LTBR: variants seen among roughly 807,000 people sequenced by gnomAD.
LTBR encodes the protein tumor necrosis factor receptor superfamily member 3.
In LTBR, 15 loss-of-function variants were observed where a neutral mutation model predicts 45.4. The ratio of observed to expected loss-of-function variants is 0.33; its 90% confidence interval spans 0.22 to 0.51. The LOEUF (loss-of-function observed/expected upper bound fraction) is 0.51, where lower values mean the gene tolerates loss of function less well. LTBR is among the 20% of genes least tolerant of loss of function. LTBR has a pLI of 0.97. For missense variants in LTBR, 450 were observed against 565.5 expected, an observed-to-expected ratio of 0.80 and a Z score of 2.07; for synonymous variants, 228 against 231.0, an observed-to-expected ratio of 0.99 and a Z score of 0.12.
rs370967192 is a variant in LTBR at position 6,377,535 on chromosome 12, C to T, written c.39+1941C>T. On this transcript the variant is annotated intron_variant, in intron 1 of 9. Transcript: ENST00000539925. ...GCCTCCCTCACTCCCACACAGAGCC[C>T]GTGGATTCGTCTGCTCTCTGGGTGC... The T allele has an allele frequency of 1.1e-5, 8 of 758,920 alleles. No individual in the cohort carries two copies. In the East Asian group the frequency reaches 1.3e-4, roughly 12 times the overall value. 47.0% of individuals were successfully genotyped at this position (758,920 alleles called of 1,614,324 possible).
chr12:6,377,163 G>A, intron 1 of LTBR: 1 of 1,124,282 alleles, frequency 8.9e-7, no homozygotes, highest in Non-Finnish European at 1.3e-6. Flanking sequence ...AACCTGGTCT[G>A]TGGCTTCCTC....
upstream of LTBR, among the ~76,000 whole-genome samples, chr12:6,380,703 AAAGAAGAAG>A (rs559508812): frequency 4.6e-5 from 7 of 151,568 alleles, no homozygotes; most frequent in Non-Finnish European, 7.4e-5. Context: ...AAAAAAAAAA[AAAGAAGAAG>A]AAGAAGAAGA....
rs72645157 is a variant in LTBR at position 6,377,433 on chromosome 12, G to A, written c.39+1839G>A. 3,562 of 686,804 alleles carry A rather than the reference G, an allele frequency of 5.2e-3. 16 individuals carry two copies. The highest frequency in any genetic ancestry group is 7.5e-3 in the Non-Finnish European group (3,040 of 407,004). 42.5% of individuals were successfully genotyped at this position (686,804 alleles called of 1,614,324 possible). A position where few individuals can be genotyped will look rare whatever the true frequency, so the allele number is the denominator to read the frequency against. The stretch of plus-strand genomic sequence containing the variant: ...CCTCCTCTGGGGCTATCTACTTAGC[G>A]CTTTTGCCATTTACTTCCTGAGACA... On this transcript the variant is annotated intron_variant, in intron 1 of 9. Coordinates refer to the LTBR transcript ENST00000539925.
chr12:6,385,134 C>T lies in LTBR; in HGVS notation c.306C>T (p.Arg102=), dbSNP rs778376617. The change falls in exon 3 of 10, where the codon CGC becomes CGT. Residue 102 remains arginine (R), a synonymous_variant. Transcript: ENST00000228918. ...ACCTGACCATCTGCCAGCTGTGCCG[C>T]CCCTGTGACCCAGGTGAGTGGGGAT... is the stretch of plus-strand genomic sequence containing the variant. ...WNYLTICQLC[R]PCDPVMGLEE... The T allele has an allele frequency of 6.2e-6, 10 of 1,614,226 alleles. No individual in the cohort carries two copies. The highest frequency in any genetic ancestry group is 4.4e-5 in the South Asian group (4 of 91,090).
rs1206356926 is a variant in LTBR at position 6,384,572 on chromosome 12, C to T, written c.97-16C>T. 3.1e-6 allele frequency: 5 copies of T among 1,612,686 alleles called. No homozygotes were observed. In the African/African-American group the frequency reaches 5.3e-5, roughly 17 times the overall value. On this transcript the variant is annotated splice_polypyrimidine_tract_variant and intron_variant, in intron 1 of 9. Transcript: ENST00000228918. ...CTGACTAATTCTTCTCTCCTCTTCT[C>T]CATCTCCCTTTGAAGGTGCCTCCAT...
At chr12:6,380,324 C>T (rs945734812), upstream of LTBR, among the ~76,000 whole-genome samples, 4 of 152,162 alleles carry the variant, frequency 2.6e-5, no homozygotes, top group African/African-American at 9.7e-5. Context: ...CAGACCATTT[C>T]CAAGAGCACT....
intron 1 of LTBR, chr12:6,375,656 AG>A: frequency 6.8e-7 from 1 of 1,472,446 alleles, no homozygotes; most frequent in Non-Finnish European, 9.0e-7. Context: ...CGAAGGAAGG[AG>A]GGCTCCCGAG....
intron 1 of LTBR, among the ~76,000 whole-genome samples, chr12:6,376,836 C>T (rs72645152): frequency 6.6e-6 from 1 of 152,204 alleles, no homozygotes; most frequent in Non-Finnish European, 1.5e-5. Context: ...TCCTGCCTCC[C>T]TCCACAAGCC....
chr12:6,375,636 G>A lies in LTBR; in HGVS notation c.39+42G>A, dbSNP rs72645139. On this transcript the variant is annotated intron_variant, in intron 1 of 9. Coordinates refer to the LTBR transcript ENST00000539925. ...GAGGGGCTGAGGAGGAGTCAGAGCC[G>A]GGAGTTTTCCGAAGGAAGGAGGGCT... 3,852 of 1,489,374 alleles carry A rather than the reference G, an allele frequency of 2.6e-3. 6 individuals carry two copies. Among genetic ancestry groups the A allele is most frequent in the Admixed American group, 5.7e-3 (256 of 45,262 alleles). 92.3% of individuals were successfully genotyped at this position (1,489,374 alleles called of 1,614,324 possible).
exon 1 of LTBR, chr12:6,375,513 T>C: frequency 6.5e-7 from 1 of 1,534,916 alleles, no homozygotes. Context: ...ACCTGACAGG[T>C]GCAGCGGCCT....
At position 6,386,562 on chromosome 12, in the gene LTBR, A is replaced by G. The variant is rs560998530; in HGVS notation, c.667+118A>G. On this transcript the variant is annotated intron_variant, in intron 6 of 9. Transcript: ENST00000228918. This position sits in a 1 kb window ranked among gnomAD's most constrained non-coding sequence, Gnocchi z 4.1. ...TTCCCTCCCAGAATTGGGCAAGAAGAAAGTTCCTTACAGAAAAAATTGGAG... is the reference window on the plus strand; with the variant it reads ...TTCCCTCCCAGAATTGGGCAAGAAGGAAGTTCCTTACAGAAAAAATTGGAG... 73 of 764,690 alleles carry G rather than the reference A, an allele frequency of 9.5e-5. No individual in the cohort carries two copies. In the African/African-American group the frequency reaches 1.1e-3, roughly 12 times the overall value. The allele number at this position is 764,690 out of a possible 1,614,324, so 47.4% of individuals were successfully genotyped here. A position where few individuals can be genotyped will look rare whatever the true frequency, so the allele number is the denominator to read the frequency against.
Position 6,388,945 on chromosome 12 carries a change from AT to A in LTBR, c.801+123del. 1 of 1,282,434 alleles carries A rather than the reference AT, an allele frequency of 7.8e-7. No homozygotes were observed. Among genetic ancestry groups the A allele is most frequent in the Non-Finnish European group, 1.1e-6 (1 of 891,550 alleles). The allele number at this position is 1,282,434 out of a possible 1,614,324, so 79.4% of individuals were successfully genotyped here. A position where few individuals can be genotyped will look rare whatever the true frequency, so the allele number is the denominator to read the frequency against. On this transcript the variant is annotated intron_variant, in intron 8 of 9. Transcript: ENST00000228918. The surrounding 1 kb of genome is among the most constrained non-coding windows in gnomAD (Gnocchi z 4.3). ...CACTCATTCATTCATTCAACTGATG[AT>A]TTACTGAACATGCCACGTACCAGGC...
intron 4 of LTBR, chr12:6,385,720 C>T (rs2041941683): frequency 5.5e-6 from 2 of 366,382 alleles, no homozygotes; most frequent in South Asian, 6.5e-5. Context: ...TCCTGGCTAA[C>T]ACAGTGAAAC....
At chr12:6,385,976 C>T (rs1291942929) in intron 4 of LTBR, 90 bp from the exon 5 acceptor site, 8 of 821,102 alleles carry the variant, frequency 9.7e-6, no homozygotes, top group Non-Finnish European at 1.7e-5. Flanking sequence ...GGTGGATGGG[C>T]ATCCTGAGGC....
chr12:6,376,074 C>G (rs2136917718), intron 1 of LTBR: 1 of 990,504 alleles, frequency 1.0e-6, no homozygotes, highest in African/African-American at 1.7e-5. Context: ...GAGCTAGAGG[C>G]TCAGCAAGTG....
At chr12:6,375,263 C>G, upstream of LTBR, 1 of 1,438,314 alleles carries the variant, frequency 7.0e-7, no homozygotes, top group Non-Finnish European at 9.1e-7. Context: ...TCTGGCCTGC[C>G]TCCTCTCTCT....
rs763801721 is a variant in LTBR at position 6,386,140 on chromosome 12, G to A, written c.547G>A (p.Ala183Thr). Reference protein sequence around the residue: ...GHFQNTSSPSARCQPHTRCEN... With the variant: ...GHFQNTSSPSTRCQPHTRCEN... ...CTTCCAGAATACCTCCTCCCCCAGC[G>A]CCCGCTGCCAGCCCCACACCAGGTG... Residue 183 changes from alanine to threonine, a missense_variant, in exon 5 of 10, where the codon GCC (alanine) becomes ACC (threonine). Ala to Thr is a moderately conservative substitution (Grantham distance 58, BLOSUM62 0). Transcript: ENST00000228918. The surrounding 1 kb of genome is among the most constrained non-coding windows in gnomAD (Gnocchi z 4.1). The A allele has an allele frequency of 2.4e-5, 38 of 1,613,462 alleles. No individual in the cohort carries two copies. Among genetic ancestry groups the A allele is most frequent in the Non-Finnish European group, 2.9e-5 (34 of 1,179,658 alleles).
chr12:6,388,883 T>C lies in LTBR; in HGVS notation c.801+58T>C. On this transcript the variant is annotated intron_variant, in intron 8 of 9. Transcript: ENST00000228918. The surrounding 1 kb of genome is among the most constrained non-coding windows in gnomAD (Gnocchi z 4.3). ...GGGAAGAGGTGATGAGGGTACAAGG[T>C]GGAGCAGACAGGAAGAGAGTATGCA... The C allele has an allele frequency of 6.2e-7, 1 of 1,602,318 alleles. No homozygotes were observed.
chr12:6,388,425 T>C lies in LTBR; in HGVS notation c.695T>C (p.Leu232Pro). The C allele has an allele frequency of 6.2e-7, 1 of 1,614,022 alleles. No individual in the cohort carries two copies. The highest frequency in any genetic ancestry group is 8.5e-7 in the Non-Finnish European group (1 of 1,180,018). ...ACCATGCTGATGCTGGCCGTTCTGC[T>C]GCCACTGGCCTTCTTTCTGCTCCTT... ...SGTMLMLAVL[L>P]PLAFFLLLAT... The change falls in exon 7 of 10, where the codon CTG becomes CCG. Residue 232 changes from leucine (L) to proline (P), a missense_variant. By Grantham distance (98) the Leu-to-Pro change is moderately conservative. This residue lies in a region of LTBR where 367 missense variants were observed against 435.4 expected (regional missense o/e 0.84). Transcript: ENST00000228918. This position sits in a 1 kb window ranked among gnomAD's most constrained non-coding sequence, Gnocchi z 4.3.
Sources: allele counts gnomAD v4.1 joint callset (sites outside exome capture counted in the v4.1 genomes callset), GRCh38; gene constraint gnomAD v4.1.1; regional missense constraint gnomAD v4.1.1; non-coding constraint Gnocchi (gnomAD v3.1); transcripts MANE v1.5; gene names NCBI Gene and HGNC (gene_info 2026-07-23, HGNC 2026-07-21).